The following L3MBTL1 variants were observed in gnomAD, a reference collection of about 807,000 sequenced individuals.
The protein encoded by L3MBTL1 is L3MBTL histone methyl-lysine binding protein 1.
In L3MBTL1, 75 loss-of-function variants were observed where a neutral mutation model predicts 105.3. The ratio of observed to expected loss-of-function variants is 0.71; its 90% CI spans 0.59 to 0.86. L3MBTL1 has a LOEUF of 0.86. L3MBTL1 is among the 40% of genes least tolerant of loss of function. L3MBTL1 has a pLI of 0.00. For synonymous variants in L3MBTL1, 452 were observed against 436.2 expected (o/e 1.04, Z -0.45); for missense variants, 1,069 against 1,126.4 (o/e 0.95, Z 0.73).
At chr20:43,546,669 T>C (rs1568644259), downstream of L3MBTL1, among the ~76,000 whole-genome samples, 1 of 152,150 alleles carries the variant, frequency 6.6e-6, no homozygotes, top group Non-Finnish European at 1.5e-5. Flanking sequence ...CTCCCAGCTC[T>C]CTTCATTCTA....
intron 7 of L3MBTL1, among the ~76,000 whole-genome samples, chr20:43,526,549 G>T (rs1406063532): frequency 6.6e-6 from 1 of 152,234 alleles, no homozygotes; most frequent in Non-Finnish European, 1.5e-5. Context: ...GTCCTTGAGA[G>T]TTTGATAGCT....
chr20:43,548,447 T>A, exon 19 of L3MBTL1: 1 of 322,762 alleles, frequency 3.1e-6, no homozygotes. Flanking sequence ...TAGAGCTCAT[T>A]CGTCACCAGG....
intron 11 of L3MBTL1, chr20:43,531,799 G>A (rs903642606): frequency 8.5e-5 from 13 of 152,348 alleles, no homozygotes; most frequent in African/African-American, 2.9e-4. Context: ...AGGCTGAGGC[G>A]GGAGGATCAC....
chr20:43,536,543 TC>T, intron 19 of L3MBTL1, 85 bp downstream of exon 19: 1 of 1,484,988 alleles, frequency 6.7e-7, no homozygotes, highest in Non-Finnish European at 9.4e-7. Flanking sequence ...GAGACAGATT[TC>T]CCAGAGTGGG....
intron 19 of L3MBTL1, among the ~76,000 whole-genome samples, 187 bp downstream of exon 19, chr20:43,536,645 G>A (rs2145479931): frequency 6.6e-6 from 1 of 152,260 alleles, no homozygotes; most frequent in South Asian, 2.1e-4. Context: ...GAGTGACCTT[G>A]GGTTCCAATC....
Position 43,516,124 on chromosome 20 carries a change from G to A in L3MBTL1, c.809G>A (p.Gly270Glu). ...CAAGAAGAAGGAAAGGACCCAGAGG[G>A]ACAACCCACTGCTAGCACCCCAGAG... is the stretch of plus-strand genomic sequence containing the variant. The part of the protein sequence containing the change: ...EKQEEGKDPE[G>E]QPTASTPESE... The change falls in exon 7 of 22, where the codon GGA becomes GAA. Residue 270 changes from glycine to glutamate, a missense_variant. Transcript: ENST00000418998. The A allele has an allele frequency of 6.2e-7, 1 of 1,614,118 alleles. No homozygotes were observed. Among genetic ancestry groups the A allele is most frequent in the Non-Finnish European group, 8.5e-7 (1 of 1,179,992 alleles).
At chr20:43,536,745 T>A (rs1436086283) in intron 19 of L3MBTL1, among the ~76,000 whole-genome samples, 1 of 152,182 alleles carries the variant, frequency 6.6e-6, no homozygotes, top group East Asian at 1.9e-4. Context: ...AAGATGATGC[T>A]CCTGCTCTTC....
intron 7 of L3MBTL1, among the ~76,000 whole-genome samples, chr20:43,524,191 C>G (rs1437899632): frequency 2.0e-5 from 3 of 152,096 alleles, no homozygotes; most frequent in Non-Finnish European, 2.9e-5. Flanking sequence ...TTTTACTTTT[C>G]TAACTTCATG....
At chr20:43,530,571 C>T (rs529457417) in intron 10 of L3MBTL1, 152 bp downstream of exon 10, 7 of 947,612 alleles carry the variant, frequency 7.4e-6, no homozygotes, top group South Asian at 3.4e-5. Flanking sequence ...GATGACTCTG[C>T]GCTGGGGCCA....
At position 43,530,833 on chromosome 20, in the gene L3MBTL1, C is replaced by G. The variant is rs2019298855; in HGVS notation, c.1228C>G (p.Leu410Val). 1 of 1,614,080 alleles carries G rather than the reference C, an allele frequency of 6.2e-7. No individual in the cohort carries two copies. The highest frequency in any genetic ancestry group is 1.7e-5 in the Admixed American group (1 of 60,002). The stretch of plus-strand genomic sequence containing the variant: ...GGAGGAGTTCAGCTGGAGCCAGTAC[C>G]TGCGCAGCACAAGAGCTCAGGCTGC... ...KEEEFSWSQY[L>V]RSTRAQAAPK... Residue 410 changes from leucine to valine, a missense_variant, in exon 11 of 22, where the codon CTG (leucine) becomes GTG (valine). Transcript: ENST00000418998.
downstream of L3MBTL1, among the ~76,000 whole-genome samples, chr20:43,542,873 G>A (rs1365507422): frequency 1.3e-5 from 2 of 152,142 alleles, no homozygotes; most frequent in African/African-American, 4.8e-5. Context: ...TTTGTTTATT[G>A]CTGACTGGTG....
rs188552038 is a variant in L3MBTL1, at chr20:43,519,957, A to C, written c.862+3780A>C. ...TGAGATACAATTCACACACCATACA[A>C]TTCATCCATTTGAAGTGTACAATTC... On this transcript the variant is annotated intron_variant, in intron 7 of 21. Coordinates refer to ENST00000418998, the MANE Select transcript of L3MBTL1 (RefSeq NM_001377303.1). 3.9e-5 allele frequency among the ~76,000 whole-genome samples: 6 copies of C among 152,292 alleles called. 1 individual carries two copies. Among genetic ancestry groups the C allele is most frequent in the Admixed American group, 2.0e-4 (3 of 15,302 alleles).
At chr20:43,527,081 G>A (rs754212604) in intron 7 of L3MBTL1, among the ~76,000 whole-genome samples, 1 of 152,236 alleles carries the variant, frequency 6.6e-6, no homozygotes, top group Non-Finnish European at 1.5e-5. Flanking sequence ...GCCAAGAGAA[G>A]CAGAGCTAGA....
intron 3 of L3MBTL1, 28 bp from the exon 4 acceptor site, chr20:43,514,607 G>A (rs1380181085): frequency 3.1e-6 from 5 of 1,597,794 alleles, no homozygotes; most frequent in Non-Finnish European, 4.3e-6. Context: ...TACGGGAGTC[G>A]CAATCCTCAG....
At chr20:43,508,911 G>C (rs1038480242) in intron 1 of L3MBTL1, among the ~76,000 whole-genome samples, 4 of 152,200 alleles carry the variant, frequency 2.6e-5, no homozygotes, top group Non-Finnish European at 5.9e-5. Context: ...ACACCTCATA[G>C]CAACTCGTCA....
downstream of L3MBTL1, among the ~76,000 whole-genome samples, chr20:43,546,290 C>T (rs575476623): frequency 6.6e-6 from 1 of 152,326 alleles, no homozygotes; most frequent in East Asian, 1.9e-4. Flanking sequence ...GGGGCAGGGC[C>T]AGGCTTGGGC....
chr20:43,528,731 A>G lies in L3MBTL1; in HGVS notation c.937A>G (p.Ser313Gly), dbSNP rs759376747. 47 of 1,613,430 alleles carry G rather than the reference A, an allele frequency of 2.9e-5. No individual in the cohort carries two copies. The highest frequency in any genetic ancestry group is 3.8e-5 in the Non-Finnish European group (45 of 1,179,444). Reference protein sequence around the residue: ...EEQKAITAPVSLFQDSQAVTH... With the variant: ...EEQKAITAPVGLFQDSQAVTH... ...GCAGAAGGCCATTACTGCTCCAGTCAGCCTCTTCCAGGACGTGAGTTGGAC... is the reference window on the plus strand; with the variant it reads ...GCAGAAGGCCATTACTGCTCCAGTCGGCCTCTTCCAGGACGTGAGTTGGAC... The change falls in exon 8 of 22, where the codon AGC (serine) becomes GGC (glycine). Residue 313 changes from serine (S) to glycine (G), a missense_variant. By Grantham distance (56) the Ser-to-Gly change is moderately conservative. Coordinates refer to ENST00000418998, the MANE Select transcript of L3MBTL1 (RefSeq NM_001377303.1).
At chr20:43,542,732 A>G (rs1201368934), downstream of L3MBTL1, among the ~76,000 whole-genome samples, 1 of 151,982 alleles carries the variant, frequency 6.6e-6, no homozygotes, top group African/African-American at 2.4e-5. Context: ...TCTAATTTCT[A>G]GCGTCATAGA....
At chr20:43,534,674 TGTG>T (rs2019513951) in intron 15 of L3MBTL1, 151 bp from the exon 16 acceptor site, 2 of 622,768 alleles carry the variant, frequency 3.2e-6, no homozygotes, top group South Asian at 2.0e-5. Flanking sequence ...CCTTGGAAAA[TGTG>T]GTGGCCAAGA....
Sources: allele counts gnomAD v4.1 joint callset (sites outside exome capture counted in the v4.1 genomes callset), GRCh38; gene constraint gnomAD v4.1.1; transcripts MANE v1.5; gene names NCBI Gene and HGNC (gene_info 2026-07-23, HGNC 2026-07-21).